The following CCDC62 variants were observed in gnomAD, a reference collection of about 807,000 sequenced individuals.
The protein encoded by CCDC62 is coiled-coil domain-containing protein 62.
Under a neutral mutation model 80.8 loss-of-function variants are expected in CCDC62, and 72 were observed. The ratio of observed to expected loss-of-function variants is 0.89; its 90% CI spans 0.74 to 1.08. CCDC62 has a LOEUF of 1.08. Among genes scored for constraint, CCDC62 ranks in the 50% least tolerant of loss-of-function variants. CCDC62 has a pLI of 0.00. For missense variants in CCDC62, 704 were observed against 809.4 expected (o/e 0.87, Z 1.58); for synonymous variants, 286 against 296.5 (o/e 0.96, Z 0.36).
intron 6 of CCDC62, among the ~76,000 whole-genome samples, chr12:122,793,513 A>C (rs1350828064): frequency 3.3e-5 from 4 of 119,966 alleles, no homozygotes; most frequent in African/African-American, 1.3e-4. Flanking sequence ...CAGGGAATGG[A>C]ATGCAGTTTG....
chr12:122,780,565 G>T (rs975570535), intron 2 of CCDC62, among the ~76,000 whole-genome samples: 1 of 151,254 alleles, frequency 6.6e-6, no homozygotes, highest in Admixed American at 6.6e-5. Context: ...AGTGAGCCGA[G>T]ATCGCACCAC....
At chr12:122,782,630 G>T (rs2029936423) in intron 3 of CCDC62, among the ~76,000 whole-genome samples, 1 of 151,858 alleles carries the variant, frequency 6.6e-6, no homozygotes, top group African/African-American at 2.4e-5. Context: ...AGCTAATTTT[G>T]TATTTTTAGT....
At chr12:122,819,083 C>T (rs929961772) in intron 11 of CCDC62, among the ~76,000 whole-genome samples, 1 of 152,072 alleles carries the variant, frequency 6.6e-6, no homozygotes, top group East Asian at 1.9e-4. Context: ...ACTGTTGGCT[C>T]CAGATATCAT....
chr12:122,787,270 A>C (rs1291511608), intron 4 of CCDC62, among the ~76,000 whole-genome samples: 3 of 152,018 alleles, frequency 2.0e-5, no homozygotes, highest in Non-Finnish European at 4.4e-5. Context: ...CAACATGGTG[A>C]AACCCCTGTC....
At chr12:122,796,772 TAATTG>T (rs1312590118) in intron 6 of CCDC62, among the ~76,000 whole-genome samples, 5 of 152,016 alleles carry the variant, frequency 3.3e-5, no homozygotes, top group Non-Finnish European at 7.4e-5. Context: ...TTTAAATAAA[TAATTG>T]AAGTAATATG....
chr12:122,774,936 A>T (rs907912098), intron 1 of CCDC62, among the ~76,000 whole-genome samples: 2 of 151,098 alleles, frequency 1.3e-5, no homozygotes, highest in Admixed American at 6.6e-5. Context: ...AAAAATAAAA[A>T]AAAAAAAATT....
At chr12:122,816,814 A>C (rs1327411038) in intron 11 of CCDC62, among the ~76,000 whole-genome samples, 1 of 150,640 alleles carries the variant, frequency 6.6e-6, no homozygotes, top group African/African-American at 2.5e-5. Flanking sequence ...TTTTTTTTAA[A>C]TCATATTAAT....
chr12:122,786,446 C>T (rs1265388317), intron 4 of CCDC62, among the ~76,000 whole-genome samples: 1 of 147,212 alleles, frequency 6.8e-6, no homozygotes, highest in African/African-American at 2.6e-5. Flanking sequence ...CCGCGCTCAG[C>T]CAGAGGTTTT....
chr12:122,780,531 G>A (rs12303150), intron 2 of CCDC62, among the ~76,000 whole-genome samples: 8,393 of 150,360 alleles, frequency 0.056, 409 homozygotes, highest in East Asian at 0.27. Context: ...GGAGAATGGC[G>A]TGAACCCAGG....
chr12:122,786,194 C>A (rs923247586), intron 4 of CCDC62, among the ~76,000 whole-genome samples: 2 of 152,068 alleles, frequency 1.3e-5, no homozygotes, highest in African/African-American at 4.8e-5. Flanking sequence ...GTGGCCCAGG[C>A]TGGAGTGCAG....
intron 3 of CCDC62, among the ~76,000 whole-genome samples, chr12:122,782,545 G>T (rs1294454382): frequency 6.6e-6 from 1 of 152,030 alleles, no homozygotes; most frequent in Non-Finnish European, 1.5e-5. Context: ...CATAACCTCT[G>T]CCTCCTGGGT....
At chr12:122,824,856 A>G (rs1401629047) in intron 12 of CCDC62, among the ~76,000 whole-genome samples, 1 of 152,102 alleles carries the variant, frequency 6.6e-6, no homozygotes, top group South Asian at 2.1e-4. Flanking sequence ...AGGCCGAGGC[A>G]GGCAGATCAC....
chr12:122,813,228 T>C, intron 10 of CCDC62, 42 bp from the exon 11 acceptor site: 1 of 1,552,532 alleles, frequency 6.4e-7, no homozygotes, highest in South Asian at 1.2e-5. Context: ...CATTTGTGTT[T>C]GTAAACCTAA....
At chr12:122,802,304 GC>G (rs1258914133) in intron 9 of CCDC62, among the ~76,000 whole-genome samples, 2 of 151,936 alleles carry the variant, frequency 1.3e-5, no homozygotes, top group African/African-American at 4.8e-5. Context: ...CATTGTGGTG[GC>G]TCATGCCTGT....
At chr12:122,812,777 G>GAGAAAGAAAGAAAGAAAGAAAGAA (rs71440217) in intron 10 of CCDC62, among the ~76,000 whole-genome samples, 16 of 57,772 alleles carry the variant, frequency 2.8e-4, no homozygotes, top group Admixed American at 4.6e-4. Flanking sequence ...GAGAGAGAGA[G>GAGAAAGAAAGAAAGAAAGAAAGAA]AGAAAGAAAG....
At chr12:122,788,041 G>A (rs2030376263) in intron 4 of CCDC62, among the ~76,000 whole-genome samples, 1 of 152,160 alleles carries the variant, frequency 6.6e-6, no homozygotes, top group South Asian at 2.1e-4. Context: ...TGTGAGATGT[G>A]CAGACAATGT....
chr12:122,782,453 C>T (rs1276513607), intron 3 of CCDC62, among the ~76,000 whole-genome samples: 1 of 152,030 alleles, frequency 6.6e-6, no homozygotes, highest in East Asian at 1.9e-4. Flanking sequence ...ATGATGTTTT[C>T]TAAATTATTG....
chr12:122,821,212 A>G (rs1057082925), intron 11 of CCDC62, among the ~76,000 whole-genome samples: 2 of 152,134 alleles, frequency 1.3e-5, no homozygotes, highest in Non-Finnish European at 2.9e-5. Context: ...CGGCTCACTG[A>G]GGGCTCACTG....
intron 12 of CCDC62, 84 bp downstream of exon 12, chr12:122,823,543 G>A (rs2032495329): frequency 2.8e-6 from 2 of 714,324 alleles, no homozygotes; most frequent in Non-Finnish European, 2.5e-6. Context: ...TTGAGTCAAG[G>A]CCATGCATTT....
Sources: allele counts gnomAD v4.1 joint callset (sites outside exome capture counted in the v4.1 genomes callset), GRCh38; gene constraint gnomAD v4.1.1; transcripts MANE v1.5; gene names NCBI Gene and HGNC (gene_info 2026-07-23, HGNC 2026-07-21).